Variants in CDK6 observed in about 807,000 individuals in gnomAD.
CDK6 encodes the protein cyclin dependent kinase 6.
CDK6 carries 6 observed loss-of-function variants against 37.1 expected under a neutral mutation model. The observed-to-expected ratio is 0.16, with a 90% CI of 0.09 to 0.32. The LOEUF (loss-of-function observed/expected upper bound fraction) is 0.32, where lower values mean the gene tolerates loss of function less well. Among genes scored for constraint, CDK6 ranks in the 10% least tolerant of loss-of-function variants. The probability of loss-of-function intolerance (pLI) is 1.00; values close to 1 mark genes in which losing one functional copy is unlikely to be tolerated. For missense variants in CDK6, 224 were observed against 418.9 expected (o/e 0.53, Z 4.06); for synonymous variants, 160 against 161.3 (o/e 0.99, Z 0.06).
intron 5 of CDK6, among the ~76,000 whole-genome samples, chr7:92,631,111 T>C (rs566167585): frequency 6.6e-6 from 1 of 152,170 alleles, no homozygotes; most frequent in Non-Finnish European, 1.5e-5. Context: ...GGAAAAGCTT[T>C]ACCAGGGAAT....
chr7:92,808,900 G>C (rs1584109584), intron 2 of CDK6, among the ~76,000 whole-genome samples: 1 of 152,148 alleles, frequency 6.6e-6, no homozygotes. Flanking sequence ...GTGCAAAAAG[G>C]TCAGGGCTAT....
chr7:92,820,562 T>A (rs1017144149), intron 2 of CDK6, among the ~76,000 whole-genome samples: 1 of 152,136 alleles, frequency 6.6e-6, no homozygotes, highest in African/African-American at 2.4e-5. Context: ...GGATAAAATA[T>A]TCTCCTCTTA....
intron 4 of CDK6, among the ~76,000 whole-genome samples, chr7:92,713,994 A>C (rs553488081): frequency 6.6e-6 from 1 of 152,124 alleles, no homozygotes; most frequent in Non-Finnish European, 1.5e-5. Context: ...TACCACCCAC[A>C]TATACTCTAT....
rs959495506 is a variant in CDK6, at chr7:92,609,634, A to G, written c.*5506T>C. On this transcript the variant is annotated 3_prime_UTR_variant, in exon 8 of 8. Transcript: ENST00000424848. Reference sequence around the variant, plus strand: ...GGATTTTAAAATTTAATCAATGTTGAAAGGCCACCATGCTAGGGAATTTGA... The same window carrying G: ...GGATTTTAAAATTTAATCAATGTTGGAAGGCCACCATGCTAGGGAATTTGA... 6.1e-5 allele frequency: 14 copies of G among 231,292 alleles called. No homozygotes were observed. The highest frequency in any genetic ancestry group is 8.8e-5 in the African/African-American group (4 of 45,274). 14.3% of individuals were successfully genotyped at this position (231,292 alleles called of 1,614,324 possible). A position where few individuals can be genotyped will look rare whatever the true frequency, so the allele number is the denominator to read the frequency against.
chr7:92,641,850 A>T (rs1796314176), intron 5 of CDK6, among the ~76,000 whole-genome samples: 1 of 152,196 alleles, frequency 6.6e-6, no homozygotes. Context: ...TACTTGACTA[A>T]AACCAGTGAG....
Position 92,614,426 on chromosome 7 carries a change from T to C in CDK6, c.*714A>G, listed in dbSNP as rs1278959862. On this transcript the variant is annotated 3_prime_UTR_variant, in exon 8 of 8. Transcript: ENST00000424848. Reference sequence around the variant, plus strand: ...CATTCTGAAGACTAAATAGAATGCATGCACATCTCTTAAAATATACTAGAA... The same window carrying C: ...CATTCTGAAGACTAAATAGAATGCACGCACATCTCTTAAAATATACTAGAA... The C allele has an allele frequency of 6.9e-5, 16 of 233,036 alleles. No homozygotes were observed. In the East Asian group the frequency reaches 9.7e-4, roughly 14 times the overall value. 14.4% of individuals were successfully genotyped at this position (233,036 alleles called of 1,614,324 possible). A position where few individuals can be genotyped will look rare whatever the true frequency, so the allele number is the denominator to read the frequency against.
chr7:92,691,080 A>G (rs1009726818), intron 4 of CDK6, among the ~76,000 whole-genome samples: 1 of 152,212 alleles, frequency 6.6e-6, no homozygotes, highest in Non-Finnish European at 1.5e-5. Context: ...CTAATTACTT[A>G]TACTTTCTGG....
At chr7:92,731,180 T>C (rs1045460028) in intron 3 of CDK6, among the ~76,000 whole-genome samples, 6 of 152,222 alleles carry the variant, frequency 3.9e-5, no homozygotes, top group Non-Finnish European at 7.3e-5. Context: ...TGTGCTTTCA[T>C]TGATCAATTT....
intron 4 of CDK6, among the ~76,000 whole-genome samples, chr7:92,693,867 T>C (rs1562938014): frequency 6.6e-6 from 1 of 152,230 alleles, no homozygotes; most frequent in Non-Finnish European, 1.5e-5. Flanking sequence ...AATTGGAGTA[T>C]GGCAAGTTGA....
At position 92,612,702 on chromosome 7, in the gene CDK6, T is replaced by C. The variant is rs1419811973; in HGVS notation, c.*2438A>G. On this transcript the variant is annotated 3_prime_UTR_variant, in exon 8 of 8. Coordinates refer to ENST00000424848, the MANE Select transcript of CDK6 (RefSeq NM_001145306.2). ...CAAAAGCAGATGCTAGGAATAAAAG[T>C]TGAGCTCTCTACTCATTTAAAATTC... 6 of 233,054 alleles carry C rather than the reference T, an allele frequency of 2.6e-5. No individual in the cohort carries two copies. The highest frequency in any genetic ancestry group is 1.1e-4 in the African/African-American group (5 of 45,360). The allele number at this position is 233,054 out of a possible 1,614,324, so 14.4% of individuals were successfully genotyped here. A position where few individuals can be genotyped will look rare whatever the true frequency, so the allele number is the denominator to read the frequency against.
At chr7:92,717,607 G>A (rs1312275873) in intron 4 of CDK6, among the ~76,000 whole-genome samples, 1 of 152,202 alleles carries the variant, frequency 6.6e-6, no homozygotes, top group African/African-American at 2.4e-5. Context: ...TAGGAAAAAA[G>A]CAAGGAACTT....
At chr7:92,719,118 T>C (rs1798305487) in intron 4 of CDK6, among the ~76,000 whole-genome samples, 1 of 152,170 alleles carries the variant, frequency 6.6e-6, no homozygotes, top group Non-Finnish European at 1.5e-5. Context: ...AGGAAGGGGA[T>C]GTAAGTAATT....
At chr7:92,702,593 A>C (rs1797877368) in intron 4 of CDK6, among the ~76,000 whole-genome samples, 1 of 152,118 alleles carries the variant, frequency 6.6e-6, no homozygotes, top group African/African-American at 2.4e-5. Flanking sequence ...ATGAGAATAG[A>C]AACATTTGCT....
At chr7:92,704,326 G>C (rs1016282617) in intron 4 of CDK6, among the ~76,000 whole-genome samples, 2 of 152,108 alleles carry the variant, frequency 1.3e-5, no homozygotes, top group Non-Finnish European at 2.9e-5. Flanking sequence ...TTAAATAAGA[G>C]TATGGATCTA....
intron 3 of CDK6, among the ~76,000 whole-genome samples, chr7:92,728,134 ACACT>A (rs1250166146): frequency 2.0e-5 from 3 of 152,256 alleles, no homozygotes; most frequent in Non-Finnish European, 4.4e-5. Flanking sequence ...GTTATAACAC[ACACT>A]ATGTTTTTCT....
At chr7:92,808,762 G>T (rs1324707730) in intron 2 of CDK6, among the ~76,000 whole-genome samples, 1 of 152,142 alleles carries the variant, frequency 6.6e-6, no homozygotes, top group East Asian at 1.9e-4. Context: ...CAGCTGGGAG[G>T]ATAGTCAAAT....
Position 92,615,007 on chromosome 7 carries a change from G to A in CDK6, c.*133C>T. The A allele has an allele frequency of 1.2e-6, 1 of 817,352 alleles. No homozygotes were observed. The highest frequency in any genetic ancestry group is 1.9e-6 in the Non-Finnish European group (1 of 525,330). The allele number at this position is 817,352 out of a possible 1,614,324, so 50.6% of individuals were successfully genotyped here. On this transcript the variant is annotated 3_prime_UTR_variant, in exon 8 of 8. Transcript: ENST00000424848. Reference sequence around the variant, plus strand: ...TAGGCGGTTTCCTTGGAGAAGCAGAGCCTGTCCAGAAGACAGCAGCTGGAA... The same window carrying A: ...TAGGCGGTTTCCTTGGAGAAGCAGAACCTGTCCAGAAGACAGCAGCTGGAA...
chr7:92,681,063 C>T (rs1470915576), intron 4 of CDK6, among the ~76,000 whole-genome samples: 1 of 152,174 alleles, frequency 6.6e-6, no homozygotes, highest in Non-Finnish European at 1.5e-5. Flanking sequence ...AGTGGCAGTG[C>T]TGAAGATGGA....
intron 5 of CDK6, among the ~76,000 whole-genome samples, chr7:92,634,435 A>C (rs1196480837): frequency 1.3e-5 from 2 of 151,644 alleles, no homozygotes; most frequent in African/African-American, 4.8e-5. Flanking sequence ...TAGTTGCATA[A>C]TGTATTTTAG....
Sources: gnomAD v4.1 joint callset for allele counts (sites outside exome capture counted in the v4.1 genomes callset) on GRCh38, gnomAD v4.1.1 for gene constraint, MANE v1.5 for transcripts, NCBI Gene and HGNC (gene_info 2026-07-23, HGNC 2026-07-21) for gene names.